The following CCDC88A variants were observed in gnomAD, a reference collection of about 807,000 sequenced individuals.
The protein encoded by CCDC88A is coiled-coil and HOOK domain protein 88A, also known as girdin.
A neutral mutation model predicts 234.3 loss-of-function variants in CCDC88A; 54 were observed. The observed-to-expected ratio is 0.23, with a 90% CI of 0.19 to 0.29. The LOEUF is 0.29. CCDC88A is among the 10% of genes least tolerant of loss of function. CCDC88A has a pLI of 1.00. For synonymous variants in CCDC88A, 753 were observed against 737.8 expected (o/e 1.02, Z -0.33); for missense variants, 1,832 against 2,123.4 (o/e 0.86, Z 2.70).
At chr2:55,409,816 C>T (rs1192813461) in intron 2 of CCDC88A, among the ~76,000 whole-genome samples, 1 of 149,904 alleles carries the variant, frequency 6.7e-6, no homozygotes, top group East Asian at 2.1e-4. Flanking sequence ...TCTCGGCTCA[C>T]TGCAACCTCC....
intron 2 of CCDC88A, chr2:55,405,074 T>A (rs1189707576): frequency 6.6e-6 from 1 of 152,216 alleles, no homozygotes; most frequent in East Asian, 1.9e-4. Flanking sequence ...CCTAAGATTT[T>A]AAAATACTGT....
chr2:55,334,417 C>A lies in CCDC88A; in HGVS notation c.2404G>T (p.Glu802Ter). The A allele has an allele frequency of 6.3e-7, 1 of 1,581,702 alleles. No homozygotes were observed. Among genetic ancestry groups the A allele is most frequent in the Admixed American group, 2.0e-5 (1 of 51,174 alleles). Reference sequence around the variant, plus strand: ...AGTCTTTTGCTAGATATTTTTAGTTCTTCTAGGTTTTTCTGCAATGTTTGA... The same window carrying A: ...AGTCTTTTGCTAGATATTTTTAGTTATTCTAGGTTTTTCTGCAATGTTTGA... ...ENQTLQKNLE[E>*]LKISSKRLEQ... Residue 802 changes from glutamate (E) to a stop codon, truncating the protein, a stop_gained, in exon 15 of 33, where the codon GAA (glutamate) becomes TAA (stop). Coordinates refer to ENST00000436346, the MANE Select transcript of CCDC88A (RefSeq NM_001365480.1). LOFTEE classifies it high-confidence loss of function. This position sits in a 1 kb window ranked among gnomAD's most constrained non-coding sequence, Gnocchi z 6.1.
intron 2 of CCDC88A, among the ~76,000 whole-genome samples, chr2:55,401,666 C>T (rs1227867120): frequency 6.6e-6 from 1 of 151,074 alleles, no homozygotes; most frequent in Non-Finnish European, 1.5e-5. Flanking sequence ...TATTAACTAT[C>T]TTGAACTTCA....
At chr2:55,378,128 A>G (rs11125565) in intron 3 of CCDC88A, among the ~76,000 whole-genome samples, 130,738 of 152,126 alleles carry the variant, frequency 0.86, 56,625 homozygotes, top group Admixed American at 0.93. Context: ...CCCAATGGAT[A>G]GTAATCTTCA....
At chr2:55,322,333 A>G (rs532848346) in intron 18 of CCDC88A, among the ~76,000 whole-genome samples, 195 bp downstream of exon 18, 36 of 152,242 alleles carry the variant, frequency 2.4e-4, no homozygotes, top group African/African-American at 8.7e-4. Context: ...GAAGCCAGTC[A>G]TATGTTCCAG....
chr2:55,377,194 C>CT (rs11443883), intron 3 of CCDC88A, among the ~76,000 whole-genome samples: 95,406 of 114,992 alleles, frequency 0.83, 40,409 homozygotes, highest in Admixed American at 0.9. Flanking sequence ...TCACTATAGA[C>CT]TTTTTTTTTT....
chr2:55,308,165 C>A (rs1681871945), intron 25 of CCDC88A: 1 of 152,312 alleles, frequency 6.6e-6, no homozygotes, highest in African/African-American at 2.4e-5. Context: ...AAACTCCTGA[C>A]CTCAGGTGAT....
In CCDC88A at chr2:55,335,807, G is replaced by C. The variant is rs1335352639; in HGVS notation, c.1657-643C>G. Among the ~76,000 whole-genome samples the C allele has an allele frequency of 6.6e-6, 1 of 152,134 alleles. No individual in the cohort carries two copies. Among genetic ancestry groups the C allele is most frequent in the African/African-American group, 2.4e-5 (1 of 41,424 alleles). On this transcript the variant is annotated intron_variant, in intron 14 of 32. Coordinates refer to ENST00000436346, the MANE Select transcript of CCDC88A (RefSeq NM_001365480.1). This position sits in a 1 kb window ranked among gnomAD's most constrained non-coding sequence, Gnocchi z 4.5. ...AAAATGAAGATTGAAGCTTAGTCTA[G>C]AATTTTGGTTCTGTATCTCTAAAGA...
At chr2:55,392,467 G>A (rs1006658423) in intron 2 of CCDC88A, among the ~76,000 whole-genome samples, 5 of 151,998 alleles carry the variant, frequency 3.3e-5, no homozygotes, top group Non-Finnish European at 5.9e-5. Context: ...TGATAAGCAT[G>A]GTGTATCTCT....
At chr2:55,411,662 C>T (rs995781434) in intron 2 of CCDC88A, among the ~76,000 whole-genome samples, 1 of 151,532 alleles carries the variant, frequency 6.6e-6, no homozygotes, top group African/African-American at 2.4e-5. Context: ...ACCTTGTAAT[C>T]CCAACTACTC....
rs998049016 is a variant in CCDC88A at position 55,291,080 on chromosome 2, T to A, written c.*120A>T. 3.9e-5 allele frequency: 6 copies of A among 152,552 alleles called. No homozygotes were observed. The highest frequency in any genetic ancestry group is 8.8e-5 in the Non-Finnish European group (6 of 67,966). 9.4% of individuals were successfully genotyped at this position (152,552 alleles called of 1,614,324 possible). A position where few individuals can be genotyped will look rare whatever the true frequency, so the allele number is the denominator to read the frequency against. The stretch of plus-strand genomic sequence containing the variant: ...TGTTAAAAGTCTCCTTAAAGATTTT[T>A]AAAAATGATTCCTATAGTTGCTAGG... On this transcript the variant is annotated 3_prime_UTR_variant, in exon 33 of 33. Transcript: ENST00000436346.
chr2:55,386,196 T>A (rs906535988), intron 3 of CCDC88A, among the ~76,000 whole-genome samples: 11 of 143,304 alleles, frequency 7.7e-5, no homozygotes, highest in African/African-American at 2.9e-4. Context: ...CCCTCCAGCC[T>A]GGGCAACAAG....
chr2:55,353,699 T>TAAAAAAAAAA, intron 8 of CCDC88A, among the ~76,000 whole-genome samples: 1 of 149,570 alleles, frequency 6.7e-6, no homozygotes, highest in African/African-American at 2.5e-5. Flanking sequence ...TTTGTTCTTT[T>TAAAAAAAAAA]AAAAGTACAA....
Position 55,369,229 on chromosome 2 carries a change from T to G in CCDC88A, c.402+3223A>C, listed in dbSNP as rs141875111. 1.6e-3 allele frequency among the ~76,000 whole-genome samples: 241 copies of G among 152,158 alleles called. 1 individual carries two copies. In the Middle Eastern group the frequency reaches 0.02, roughly 13 times the overall value. ...TTTGTATTTTTAGTAGAGACAGGGTTTCACTATGTCAGCCAGGCTGGTCTG... is the reference window on the plus strand; with the variant it reads ...TTTGTATTTTTAGTAGAGACAGGGTGTCACTATGTCAGCCAGGCTGGTCTG... On this transcript the variant is annotated intron_variant, in intron 5 of 32. Coordinates refer to ENST00000436346, the MANE Select transcript of CCDC88A (RefSeq NM_001365480.1).
Position 55,302,081 on chromosome 2 carries a change from C to T in CCDC88A, c.4472-9G>A, listed in dbSNP as rs768893602. The T allele has an allele frequency of 1.5e-5, 23 of 1,580,426 alleles. 1 individual carries two copies. The South Asian group carries it at 2.4e-4, about 17-fold the overall frequency. On this transcript the variant is annotated splice_polypyrimidine_tract_variant and intron_variant, in intron 26 of 32. Coordinates refer to ENST00000436346, the MANE Select transcript of CCDC88A (RefSeq NM_001365480.1). ...CACCAGGTCATTCATGGCTGGGATG[C>T]AAATGAAAGCAAATGAATCAGCATG... is the stretch of plus-strand genomic sequence containing the variant.
rs1683160003 is a variant in CCDC88A at position 55,317,844 on chromosome 2, A to G, written c.3325-3T>C. 3 of 1,579,648 alleles carry G rather than the reference A, an allele frequency of 1.9e-6. No homozygotes were observed. The highest frequency in any genetic ancestry group is 2.6e-6 in the Non-Finnish European group (3 of 1,156,552). On this transcript the variant is annotated splice_polypyrimidine_tract_variant and splice_region_variant and intron_variant, in intron 19 of 32. Coordinates refer to ENST00000436346, the MANE Select transcript of CCDC88A (RefSeq NM_001365480.1). The surrounding 1 kb of genome is among the most constrained non-coding windows in gnomAD (Gnocchi z 4.2). ...GAATTAAGGGTGGAATTTTCAACCT[A>G]TAAGAATATATATTGTTATCAGACA...
intron 2 of CCDC88A, chr2:55,403,841 T>A (rs1017521828): frequency 3.3e-5 from 5 of 152,224 alleles, no homozygotes; most frequent in African/African-American, 4.8e-5. Flanking sequence ...ATAGATTCAA[T>A]GGACAGCACT....
At position 55,332,406 on chromosome 2, in the gene CCDC88A, G is replaced by A. The variant is rs1685025958; in HGVS notation, c.2855+160C>T. The A allele has an allele frequency of 1.6e-6, 2 of 1,273,152 alleles. No homozygotes were observed. The highest frequency in any genetic ancestry group is 3.1e-5 in the African/African-American group (2 of 65,260). 78.9% of individuals were successfully genotyped at this position (1,273,152 alleles called of 1,614,324 possible). Reference sequence around the variant, plus strand: ...CAAAGTGCTGGGATTATAGGTGTGAGCCACCGCACCCGGCTACAGAACTTT... The same window carrying A: ...CAAAGTGCTGGGATTATAGGTGTGAACCACCGCACCCGGCTACAGAACTTT... On this transcript the variant is annotated intron_variant, in intron 16 of 32. Coordinates refer to ENST00000436346, the MANE Select transcript of CCDC88A (RefSeq NM_001365480.1). The surrounding 1 kb of genome is among the most constrained non-coding windows in gnomAD (Gnocchi z 4.5).
chr2:55,326,795 T>G (rs1336300549), intron 17 of CCDC88A, among the ~76,000 whole-genome samples: 1 of 152,084 alleles, frequency 6.6e-6, no homozygotes, highest in Non-Finnish European at 1.5e-5. Flanking sequence ...GGTCTTGAAC[T>G]CCCAACCTAA....
Sources: allele counts gnomAD v4.1 joint callset (sites outside exome capture counted in the v4.1 genomes callset), GRCh38; gene constraint gnomAD v4.1.1; non-coding constraint Gnocchi (gnomAD v3.1); transcripts MANE v1.5; gene names NCBI Gene and HGNC (gene_info 2026-07-23, HGNC 2026-07-21).